Variants in TRIM72 observed in about 807,000 individuals in gnomAD.
The protein encoded by TRIM72 is tripartite motif-containing protein 72.
In TRIM72, 33 loss-of-function variants were observed where a neutral mutation model predicts 31.6. The observed-to-expected ratio is 1.04, with a 90% CI of 0.79 to 1.40. TRIM72 has a LOEUF of 1.40. Among genes scored for constraint, TRIM72 ranks in the 40% most tolerant of loss-of-function variants. The probability of loss-of-function intolerance (pLI) is 0.00; values close to 1 mark genes in which losing one functional copy is unlikely to be tolerated. For missense variants in TRIM72, 666 were observed against 682.7 expected (o/e 0.98, Z 0.27); for synonymous variants, 301 against 314.4 (o/e 0.96, Z 0.45).
rs917427107 is a variant in TRIM72 at position 31,227,109 on chromosome 16, G to T, written c.*2354G>T. 7.2e-5 allele frequency: 11 copies of T among 152,044 alleles called. No homozygotes were observed. The highest frequency in any genetic ancestry group is 2.7e-4 in the African/African-American group (11 of 41,382). 9.4% of individuals were successfully genotyped at this position (152,044 alleles called of 1,614,324 possible). A position where few individuals can be genotyped will look rare whatever the true frequency, so the allele number is the denominator to read the frequency against. Reference sequence around the variant, plus strand: ...TAGAAAATAAAACAATATAGCTAAGGGATTATTTGGTTGTAAAATCCAACA... The same window carrying T: ...TAGAAAATAAAACAATATAGCTAAGTGATTATTTGGTTGTAAAATCCAACA... On this transcript the variant is annotated 3_prime_UTR_variant, in exon 7 of 7. Coordinates refer to ENST00000322122, the MANE Select transcript of TRIM72 (RefSeq NM_001008274.4).
chr16:31,222,392 C>CA (rs374169631), intron 5 of TRIM72, among the ~76,000 whole-genome samples: 2,048 of 58,222 alleles, frequency 0.035, 31 homozygotes, highest in African/African-American at 0.099. Context: ...GACTCAATCT[C>CA]AAAAAAAAAA....
rs535790671 is a variant in TRIM72 at position 31,226,351 on chromosome 16, T to C, written c.*1596T>C. On this transcript the variant is annotated 3_prime_UTR_variant, in exon 7 of 7. Coordinates refer to ENST00000322122, the MANE Select transcript of TRIM72 (RefSeq NM_001008274.4). ...ACTCATGCCTGTAAACCCAACACTT[T>C]GGGAGTTTGAGGCAGGAGGCTCATT... 1 of 152,218 alleles carries C rather than the reference T, an allele frequency of 6.6e-6. No individual in the cohort carries two copies. Among genetic ancestry groups the C allele is most frequent in the Non-Finnish European group, 1.5e-5 (1 of 68,022 alleles). 9.4% of individuals were successfully genotyped at this position (152,218 alleles called of 1,614,324 possible).
At position 31,224,422 on chromosome 16, in the gene TRIM72, C is replaced by T. The variant is rs1329210440; in HGVS notation, c.1101C>T (p.Pro367=). Residue 367 remains proline (P), a synonymous_variant, in exon 7 of 7, where the codon CCC becomes CCT. Transcript: ENST00000322122. ...TGGGCGTGATCGCGGCCGAGGCCCC[C>T]CGCCGCGGGCGCCTGCACGCGGTGC... ...WALGVIAAEA[P]RRGRLHAVPS... is the part of the protein sequence containing the mutation. 2.7e-5 allele frequency: 38 copies of T among 1,420,120 alleles called. No homozygotes were observed. The highest frequency in any genetic ancestry group is 3.0e-5 in the Non-Finnish European group (33 of 1,098,702). 88.0% of individuals were successfully genotyped at this position (1,420,120 alleles called of 1,614,324 possible).
In TRIM72 at chr16:31,216,743, C is replaced by T; in HGVS notation, c.390+1615C>T. On this transcript the variant is annotated intron_variant, in intron 2 of 6. Coordinates refer to ENST00000322122, the MANE Select transcript of TRIM72 (RefSeq NM_001008274.4). The surrounding 1 kb of genome is among the most constrained non-coding windows in gnomAD (Gnocchi z 6.7). ...GGGGTTGGGTCCCGAGATCACGTAC[C>T]AGCTCAGAGTGGCCCTCACGCAGCC... 6.3e-7 allele frequency: 1 copy of T among 1,587,128 alleles called. No homozygotes were observed. The highest frequency in any genetic ancestry group is 8.6e-7 in the Non-Finnish European group (1 of 1,161,970).
chr16:31,224,459 C>T lies in TRIM72; in HGVS notation c.1138C>T (p.Leu380=). Residue 380 remains leucine, a synonymous_variant, in exon 7 of 7, where the codon CTG becomes TTG. Coordinates refer to ENST00000322122, the MANE Select transcript of TRIM72 (RefSeq NM_001008274.4). ...GRLHAVPSQG[L]WLLGLREGKI... ...CCTGCACGCGGTGCCCTCGCAGGGC[C>T]TGTGGCTGCTGGGGCTGCGCGAGGG... 2 of 1,464,734 alleles carry T rather than the reference C, an allele frequency of 1.4e-6. No individual in the cohort carries two copies. The highest frequency in any genetic ancestry group is 1.8e-6 in the Non-Finnish European group (2 of 1,120,100). 90.7% of individuals were successfully genotyped at this position (1,464,734 alleles called of 1,614,324 possible).
rs778233584 is a variant in TRIM72 at position 31,219,383 on chromosome 16, C to T, written c.581C>T (p.Ala194Val). 1 of 1,614,136 alleles carries T rather than the reference C, an allele frequency of 6.2e-7. No individual in the cohort carries two copies. Among genetic ancestry groups the T allele is most frequent in the Non-Finnish European group, 8.5e-7 (1 of 1,180,024 alleles). The change falls in exon 4 of 7, where the codon GCA (alanine) becomes GTA (valine). Residue 194 changes from alanine (A) to valine (V), a missense_variant. By Grantham distance (64) the Ala-to-Val change is moderately conservative. Transcript: ENST00000322122. The surrounding 1 kb of genome is among the most constrained non-coding windows in gnomAD (Gnocchi z 4.2). The stretch of plus-strand genomic sequence containing the variant: ...CTGGAGGGCTCCTTGGACCGCGAGG[C>T]AGAGCGTGTACGGGGTGAGGCAGGG... The part of the protein sequence containing the change: ...AALEGSLDRE[A>V]ERVRGEAGVA...
Position 31,230,831 on chromosome 16 carries a change from G to C in TRIM72, c.*6076G>C, listed in dbSNP as rs2079567730. ...CACCTAACTAAATAATAAATAATAA[G>C]TATCCTCCTCAACCTCTTGGTCTCT... On this transcript the variant is annotated 3_prime_UTR_variant, in exon 7 of 7. Transcript: ENST00000322122. 6.6e-6 allele frequency: 1 copy of C among 150,762 alleles called. No individual in the cohort carries two copies. The highest frequency in any genetic ancestry group is 1.5e-5 in the Non-Finnish European group (1 of 67,812). 9.3% of individuals were successfully genotyped at this position (150,762 alleles called of 1,614,324 possible).
At chr16:31,222,771 C>A in intron 5 of TRIM72, 56 bp from the exon 6 acceptor site, 2 of 724,410 alleles carry the variant, frequency 2.8e-6, no homozygotes, top group South Asian at 2.0e-5. Flanking sequence ...CTGGAATCCC[C>A]CCAGCCCTTG....
rs752162442 is a variant in TRIM72, at chr16:31,216,824, C to G, written c.390+1696C>G. The stretch of plus-strand genomic sequence containing the variant: ...CGCATGTCGCGCAGCACGGCCACGA[C>G]GAGCTCGGCTGCGTAGTCCTCGTAG... On this transcript the variant is annotated intron_variant, in intron 2 of 6. Coordinates refer to ENST00000322122, the MANE Select transcript of TRIM72 (RefSeq NM_001008274.4). This position sits in a 1 kb window ranked among gnomAD's most constrained non-coding sequence, Gnocchi z 6.7. 3 of 1,613,044 alleles carry G rather than the reference C, an allele frequency of 1.9e-6. No individual in the cohort carries two copies. The highest frequency in any genetic ancestry group is 1.1e-5 in the South Asian group (1 of 91,084).
chr16:31,230,101 G>A lies in TRIM72; in HGVS notation c.*5346G>A, dbSNP rs113650410. 1 of 152,114 alleles carries A rather than the reference G, an allele frequency of 6.6e-6. No homozygotes were observed. Among genetic ancestry groups the A allele is most frequent in the Admixed American group, 6.6e-5 (1 of 15,250 alleles). The allele number at this position is 152,114 out of a possible 1,614,324, so 9.4% of individuals were successfully genotyped here. On this transcript the variant is annotated 3_prime_UTR_variant, in exon 7 of 7. Transcript: ENST00000322122. ...AAAACAGGAATTAAAAGAAATTAAA[G>A]AATGTGTAAGCAAAAACTCAGTTGT...
At chr16:31,221,250 C>T (rs2079532099) in intron 5 of TRIM72, among the ~76,000 whole-genome samples, 1 of 152,056 alleles carries the variant, frequency 6.6e-6, no homozygotes, top group South Asian at 2.1e-4. Flanking sequence ...CTAGGCAAAG[C>T]GTTGGGAGAA....
chr16:31,219,039 G>GGT lies in TRIM72; in HGVS notation c.391-52_391-51dup. 1 of 1,493,572 alleles carries GGT rather than the reference G, an allele frequency of 6.7e-7. No individual in the cohort carries two copies. Among genetic ancestry groups the GGT allele is most frequent in the Non-Finnish European group, 9.1e-7 (1 of 1,100,288 alleles). 92.5% of individuals were successfully genotyped at this position (1,493,572 alleles called of 1,614,324 possible). A position where few individuals can be genotyped will look rare whatever the true frequency, so the allele number is the denominator to read the frequency against. Reference sequence around the variant, plus strand: ...CACAGAGGGCAGGTTTAGGATGGGAGGTGTGGGTTTTGGGTGGGTGGCATC... The same window carrying GGT: ...CACAGAGGGCAGGTTTAGGATGGGAGGTGTGTGGGTTTTGGGTGGGTGGCATC... On this transcript the variant is annotated intron_variant, in intron 2 of 6. Transcript: ENST00000322122. This position sits in a 1 kb window ranked among gnomAD's most constrained non-coding sequence, Gnocchi z 4.2.
At chr16:31,217,023 TC>T in intron 2 of TRIM72, 1 of 1,611,836 alleles carries the variant, frequency 6.2e-7, no homozygotes, top group Non-Finnish European at 8.5e-7. Flanking sequence ...CGCGCTTCGT[TC>T]CCATGGCTCA....
In TRIM72 at chr16:31,216,805, TC is replaced by T. The variant is rs756337396; in HGVS notation, c.390+1678del. On this transcript the variant is annotated intron_variant, in intron 2 of 6. Coordinates refer to ENST00000322122, the MANE Select transcript of TRIM72 (RefSeq NM_001008274.4). This position sits in a 1 kb window ranked among gnomAD's most constrained non-coding sequence, Gnocchi z 6.7. ...TGCGGCCTCCTCCAACATGCGCATGTCGCGCAGCACGGCCACGACGAGCTCG... is the reference window on the plus strand; with the variant it reads ...TGCGGCCTCCTCCAACATGCGCATGTGCGCAGCACGGCCACGACGAGCTCG... The T allele has an allele frequency of 6.2e-6, 10 of 1,611,244 alleles. No homozygotes were observed. The East Asian group carries it at 2.2e-4, about 36-fold the overall frequency.
chr16:31,214,510 G>A (rs1380377723), intron 1 of TRIM72, among the ~76,000 whole-genome samples: 1 of 152,182 alleles, frequency 6.6e-6, no homozygotes, highest in African/African-American at 2.4e-5. Flanking sequence ...ATATTTTTGG[G>A]GTTGGAGCTG....
chr16:31,219,268 A>G lies in TRIM72; in HGVS notation c.487-21A>G, dbSNP rs2079523001. Reference sequence around the variant, plus strand: ...CCAGCCAAGAGTCTTTATCCCTTCAATCACTGCCCCATCCCTGCAGGAGAC... The same window carrying G: ...CCAGCCAAGAGTCTTTATCCCTTCAGTCACTGCCCCATCCCTGCAGGAGAC... On this transcript the variant is annotated intron_variant, in intron 3 of 6. Coordinates refer to ENST00000322122, the MANE Select transcript of TRIM72 (RefSeq NM_001008274.4). The surrounding 1 kb of genome is among the most constrained non-coding windows in gnomAD (Gnocchi z 4.2). 1 of 1,614,098 alleles carries G rather than the reference A, an allele frequency of 6.2e-7. No individual in the cohort carries two copies. Among genetic ancestry groups the G allele is most frequent in the Non-Finnish European group, 8.5e-7 (1 of 1,179,992 alleles).
At position 31,224,255 on chromosome 16, in the gene TRIM72, G is replaced by C. The variant is rs1195696274; in HGVS notation, c.934G>C (p.Glu312Gln). ...LVVSSSGRRV[E>Q]CSEQKAPPAG... Reference sequence around the variant, plus strand: ...GGTGTCTTCCTCTGGCCGCCGCGTGGAGTGCTCGGAGCAGAAGGCGCCGCC... The same window carrying C: ...GGTGTCTTCCTCTGGCCGCCGCGTGCAGTGCTCGGAGCAGAAGGCGCCGCC... The change falls in exon 7 of 7, where the codon GAG becomes CAG. Residue 312 changes from glutamate (E) to glutamine (Q), a missense_variant. Transcript: ENST00000322122. The C allele has an allele frequency of 2.5e-6, 4 of 1,605,066 alleles. No homozygotes were observed. The highest frequency in any genetic ancestry group is 2.2e-5 in the East Asian group (1 of 44,866).
In TRIM72 at chr16:31,224,616, C is replaced by A. The variant is rs1314317870; in HGVS notation, c.1295C>A (p.Ala432Asp). Reference sequence around the variant, plus strand: ...CTCTCCTTCTACGATGCCAGCGACGCCGACGCGCTCGTGCCGCTTTTTGCC... The same window carrying A: ...CTCTCCTTCTACGATGCCAGCGACGACGACGCGCTCGTGCCGCTTTTTGCC... ...GVLSFYDASDADALVPLFAFH... is the reference protein window; with the variant it reads ...GVLSFYDASDDDALVPLFAFH... The change falls in exon 7 of 7, where the codon GCC (alanine) becomes GAC (aspartate). Residue 432 changes from alanine to aspartate, a missense_variant. Transcript: ENST00000322122. The A allele has an allele frequency of 3.2e-6, 5 of 1,551,768 alleles. No homozygotes were observed. In the Admixed American group the frequency reaches 9.4e-5, roughly 29 times the overall value.
chr16:31,217,579 A>G (rs1203201475), intron 2 of TRIM72, among the ~76,000 whole-genome samples: 5 of 149,548 alleles, frequency 3.3e-5, no homozygotes, highest in Non-Finnish European at 5.9e-5. Flanking sequence ...CTTGGGTAAG[A>G]TCTAGACCAC....
Sources: gnomAD v4.1 joint callset for allele counts (sites outside exome capture counted in the v4.1 genomes callset) on GRCh38, gnomAD v4.1.1 for gene constraint, Gnocchi (gnomAD v3.1) non-coding constraint, MANE v1.5 for transcripts, NCBI Gene and HGNC (gene_info 2026-07-23, HGNC 2026-07-21) for gene names.